SHMT1: variants seen among roughly 807,000 people sequenced by gnomAD.
SHMT1 encodes the protein serine hydroxymethyltransferase, cytosolic.
Under a neutral mutation model 49.0 loss-of-function variants are expected in SHMT1, and 45 were observed. That is an observed-to-expected ratio of 0.92 (90% CI 0.72 to 1.18). The LOEUF (loss-of-function observed/expected upper bound fraction) is 1.18, where lower values mean the gene tolerates loss of function less well. Ranked by LOEUF, SHMT1 falls within the 50% of genes most tolerant of loss-of-function variation. The probability of loss-of-function intolerance (pLI) is 0.00; values close to 1 mark genes in which losing one functional copy is unlikely to be tolerated. For missense variants in SHMT1, 541 were observed against 612.4 expected (o/e 0.88, Z 1.23); for synonymous variants, 232 against 246.6 (o/e 0.94, Z 0.55).
Position 18,329,287 on chromosome 17 carries a change from T to A in SHMT1, c.1273A>T (p.Ile425Phe), listed in dbSNP as rs1982910156. Reference protein sequence around the residue: ...EKDFQKVAHFIHRGIELTLQI... With the variant: ...EKDFQKVAHFFHRGIELTLQI... ...AAACTTTTATCCTTACCTCTGTGAA[T>A]AAAGTGGGCTACTTTTTGGAAGTCT... Residue 425 changes from isoleucine to phenylalanine, a missense_variant, in exon 11 of 12, where the codon ATT becomes TTT. Physicochemically the swap from Ile to Phe is conservative, Grantham distance 21. Transcript: ENST00000316694. The A allele has an allele frequency of 6.2e-7, 1 of 1,610,994 alleles. No individual in the cohort carries two copies. Among genetic ancestry groups the A allele is most frequent in the East Asian group, 2.2e-5 (1 of 44,856 alleles).
intron 1 of SHMT1, among the ~76,000 whole-genome samples, chr17:18,362,720 G>A (rs1228927619): frequency 6.6e-6 from 1 of 152,204 alleles, no homozygotes; most frequent in Non-Finnish European, 1.5e-5. Flanking sequence ...GACCTCAGCT[G>A]GACCAAGGGT....
At chr17:18,347,461 A>G (rs1350722231) in intron 5 of SHMT1, 35 bp downstream of exon 5, 2 of 1,611,782 alleles carry the variant, frequency 1.2e-6, no homozygotes, top group Non-Finnish European at 8.5e-7. Context: ...AGGTTTCCCA[A>G]GGAAATAAAA....
intron 9 of SHMT1, chr17:18,332,223 T>G (rs1983290038): frequency 6.6e-6 from 1 of 152,188 alleles, no homozygotes; most frequent in South Asian, 2.1e-4. Context: ...ACATGGAGGA[T>G]GAAGGGAGAA....
intron 4 of SHMT1, chr17:18,348,121 T>G: frequency 5.2e-6 from 3 of 578,918 alleles, no homozygotes; most frequent in East Asian, 3.3e-5. Flanking sequence ...GGTTTCTCCA[T>G]GTTGGTCAGG....
In SHMT1 at chr17:18,363,499, G is replaced by C. The variant is rs903980252; in HGVS notation, c.-147C>G. The C allele has an allele frequency of 6.5e-6, 1 of 152,702 alleles. No homozygotes were observed. Among genetic ancestry groups the C allele is most frequent in the East Asian group, 1.9e-4 (1 of 5,210 alleles). 9.5% of individuals were successfully genotyped at this position (152,702 alleles called of 1,614,324 possible). A position where few individuals can be genotyped will look rare whatever the true frequency, so the allele number is the denominator to read the frequency against. The stretch of plus-strand genomic sequence containing the variant: ...TCCAACCCCAAACCCCGAACTTGGC[G>C]CTGGACCGCTCGAGCTCAGGAAGGT... On this transcript the variant is annotated 5_prime_UTR_variant, in exon 1 of 12. Transcript: ENST00000316694.
rs780933054 is a variant in SHMT1 at position 18,340,159 on chromosome 17, C to G, written c.698G>C (p.Ser233Thr). The G allele has an allele frequency of 3.1e-6, 5 of 1,614,124 alleles. No individual in the cohort carries two copies. In the South Asian group the frequency reaches 5.5e-5, roughly 18 times the overall value. Reference protein sequence around the residue: ...AYLMADMAHISGLVAAGVVPS... With the variant: ...AYLMADMAHITGLVAAGVVPS... ...CACCACGCCAGCCGCCACCAGCCCG[C>G]TGATGTGAGCCATGTCCGCCATGAG... Residue 233 changes from serine to threonine, a missense_variant, in exon 7 of 12, where the codon AGC (serine) becomes ACC (threonine). Physicochemically the swap from Ser to Thr is moderately conservative, Grantham distance 58. Transcript: ENST00000316694. The surrounding 1 kb of genome is among the most constrained non-coding windows in gnomAD (Gnocchi z 4.5).
At chr17:18,346,938 G>C (rs1050427791) in intron 5 of SHMT1, among the ~76,000 whole-genome samples, 5 of 152,194 alleles carry the variant, frequency 3.3e-5, no homozygotes, top group Non-Finnish European at 7.3e-5. Flanking sequence ...AACGCCCTAA[G>C]TCAAACCACT....
intron 5 of SHMT1, among the ~76,000 whole-genome samples, chr17:18,345,031 T>C (rs1324832049): frequency 1.3e-5 from 2 of 152,018 alleles, no homozygotes; most frequent in Non-Finnish European, 2.9e-5. Context: ...TGCTGATGAA[T>C]GCCAATAAGG....
Position 18,328,702 on chromosome 17 carries a change from GGCAGCTT to G in SHMT1, c.*41_*47del. The G allele has an allele frequency of 1.3e-6, 2 of 1,546,502 alleles. No individual in the cohort carries two copies. The highest frequency in any genetic ancestry group is 1.7e-6 in the Non-Finnish European group (2 of 1,146,202). The stretch of plus-strand genomic sequence containing the variant: ...TCTCTCAGGTGGGGGTCCTCCGGCA[GGCAGCTT>G]CCTCTGTGGCGCCAGGTGGGTCCAG... On this transcript the variant is annotated 3_prime_UTR_variant, in exon 12 of 12. Transcript: ENST00000316694.
chr17:18,339,049 T>TAAAAAAAAAAAAA (rs34704448), intron 7 of SHMT1, among the ~76,000 whole-genome samples: 5 of 26,852 alleles, frequency 1.9e-4, no homozygotes, highest in African/African-American at 3.6e-4. Context: ...CAATAAATAC[T>TAAAAAAAAAAAAA]AAAAAAAAAA....
intron 3 of SHMT1, among the ~76,000 whole-genome samples, chr17:18,350,142 C>T (rs1985531163): frequency 6.6e-6 from 1 of 152,004 alleles, no homozygotes; most frequent in Non-Finnish European, 1.5e-5. Flanking sequence ...TCCTGGCTAA[C>T]ATGGTGAAAC....
At chr17:18,348,276 G>T in intron 4 of SHMT1, 49 bp downstream of exon 4, 1 of 1,211,100 alleles carries the variant, frequency 8.3e-7, no homozygotes, top group Non-Finnish European at 1.2e-6. Context: ...TCGGCCCTGG[G>T]GGATGCACAT....
At chr17:18,359,339 C>T (rs183564207) in intron 1 of SHMT1, among the ~76,000 whole-genome samples, 1 of 151,798 alleles carries the variant, frequency 6.6e-6, no homozygotes, top group Admixed American at 6.6e-5. Flanking sequence ...AGGAGTTCAA[C>T]CACAGCCTAG....
chr17:18,329,483 C>A, intron 10 of SHMT1, 95 bp from the exon 11 acceptor site: 1 of 955,548 alleles, frequency 1.0e-6, no homozygotes, highest in South Asian at 1.4e-5. Context: ...AGAGAACTGG[C>A]CTGAGGATAC....
intron 3 of SHMT1, among the ~76,000 whole-genome samples, chr17:18,350,654 C>T (rs189248911): frequency 1.2e-4 from 18 of 152,108 alleles, no homozygotes; most frequent in Non-Finnish European, 1.8e-4. Context: ...TTCACACATA[C>T]ATAACATTTT....
chr17:18,363,295 C>G (rs1208601190), intron 1 of SHMT1, 77 bp downstream of exon 1: 1 of 140,320 alleles, frequency 7.1e-6, no homozygotes, highest in South Asian at 2.2e-4. Flanking sequence ...GACGCCGAAG[C>G]ACCCCCCGGG....
intron 3 of SHMT1, among the ~76,000 whole-genome samples, chr17:18,352,909 GGAGA>G (rs1246886550): frequency 2.0e-5 from 3 of 151,960 alleles, no homozygotes; most frequent in East Asian, 3.9e-4. Context: ...GAAAAAGAAA[GGAGA>G]GAGAGAAATA....
chr17:18,358,444 C>T (rs1986458786), intron 1 of SHMT1, among the ~76,000 whole-genome samples: 1 of 151,072 alleles, frequency 6.6e-6, no homozygotes, highest in Non-Finnish European at 1.5e-5. Flanking sequence ...GAGCCAAGAT[C>T]ACCACTGCAC....
At chr17:18,355,229 G>C (rs1274463877) in intron 2 of SHMT1, among the ~76,000 whole-genome samples, 1 of 151,170 alleles carries the variant, frequency 6.6e-6, no homozygotes, top group East Asian at 1.9e-4. Flanking sequence ...AATTAGCCGG[G>C]TGTGGTGGCA....
Sources: gnomAD v4.1 joint callset for allele counts (sites outside exome capture counted in the v4.1 genomes callset) on GRCh38, gnomAD v4.1.1 for gene constraint, Gnocchi (gnomAD v3.1) non-coding constraint, MANE v1.5 for transcripts, NCBI Gene and HGNC (gene_info 2026-07-23, HGNC 2026-07-21) for gene names.